ANO2: variants seen among roughly 807,000 people sequenced by gnomAD.
ANO2 encodes anoctamin-2.
ANO2 carries 101 observed loss-of-function variants against 124.2 expected under a neutral mutation model. The observed-to-expected ratio is 0.81, with a 90% CI of 0.69 to 0.96. The LOEUF is 0.96. ANO2 is among the 40% of genes least tolerant of loss of function. ANO2 has a pLI of 0.00. For missense variants in ANO2, 1,293 were observed against 1,274.5 expected (o/e 1.01, Z -0.22); for synonymous variants, 486 against 482.5 (o/e 1.01, Z -0.09).
intron 7 of ANO2, among the ~76,000 whole-genome samples, chr12:5,823,542 G>A (rs1342737029): frequency 6.6e-6 from 1 of 152,244 alleles, no homozygotes; most frequent in African/African-American, 2.4e-5. Context: ...GGTTCCCATG[G>A]TCTTGGGCAG....
intron 3 of ANO2, among the ~76,000 whole-genome samples, chr12:5,879,511 T>G (rs1057295665): frequency 5.3e-5 from 8 of 152,186 alleles, no homozygotes; most frequent in African/African-American, 1.9e-4. Flanking sequence ...GACACTATTC[T>G]CATTGTCAAG....
chr12:5,929,553 A>G (rs1252271164), intron 1 of ANO2, among the ~76,000 whole-genome samples: 2 of 85,014 alleles, frequency 2.4e-5, no homozygotes, highest in African/African-American at 1.1e-4. Context: ...TTACTAGTCT[A>G]CCTTCTTTCC....
In ANO2 at chr12:5,739,387, A is replaced by G; in HGVS notation, c.1364T>C (p.Leu455Pro). ...IFMALWATMF[L>P]ENWKRLQMRL... Reference sequence around the variant, plus strand: ...CATCTGTAGCCTCTTCCAGTTTTCCAGGAACATGGTAGCTTAAAAAGAACA... The same window carrying G: ...CATCTGTAGCCTCTTCCAGTTTTCCGGGAACATGGTAGCTTAAAAAGAACA... The change falls in exon 13 of 25, where the codon CTG (leucine) becomes CCG (proline). Residue 455 changes from leucine to proline, a missense_variant. Transcript: ENST00000682330. The G allele has an allele frequency of 6.9e-6, 11 of 1,602,864 alleles. No individual in the cohort carries two copies. The highest frequency in any genetic ancestry group is 9.4e-6 in the Non-Finnish European group (11 of 1,174,636).
intron 10 of ANO2, among the ~76,000 whole-genome samples, chr12:5,751,269 C>T (rs1951431831): frequency 6.6e-6 from 1 of 152,168 alleles, no homozygotes; most frequent in African/African-American, 2.4e-5. Context: ...TAAAAATATG[C>T]CACACATTTT....
At chr12:5,691,360 G>T (rs1179392698) in intron 14 of ANO2, among the ~76,000 whole-genome samples, 2 of 142,156 alleles carry the variant, frequency 1.4e-5, no homozygotes, top group African/African-American at 5.2e-5. Context: ...AGAAGAAGAA[G>T]AAAAAGAAAA....
chr12:5,938,924 A>T (rs190416472), intron 1 of ANO2, among the ~76,000 whole-genome samples: 7,834 of 151,060 alleles, frequency 0.052, 225 homozygotes, highest in Middle Eastern at 0.099. Context: ...TTTTTTTTTA[A>T]AAATAATTTT....
intron 14 of ANO2, among the ~76,000 whole-genome samples, chr12:5,728,300 G>A (rs1047939306): frequency 5.3e-5 from 8 of 152,110 alleles, no homozygotes; most frequent in African/African-American, 1.9e-4. Flanking sequence ...AATGAGTTCA[G>A]AAAAGTTATG....
chr12:5,925,313 T>C lies in ANO2; in HGVS notation c.23-2509A>G, dbSNP rs1942030366. Among the ~76,000 whole-genome samples the C allele has an allele frequency of 6.6e-6, 1 of 152,196 alleles. No individual in the cohort carries two copies. The highest frequency in any genetic ancestry group is 1.5e-5 in the Non-Finnish European group (1 of 68,028). The stretch of plus-strand genomic sequence containing the variant: ...TCCCCTAAAGGTGCCACCTGGAGTT[T>C]GAGGCTGACATTCAGGGCCCTCACT... On this transcript the variant is annotated intron_variant, in intron 1 of 24. Coordinates refer to ENST00000682330, the MANE Select transcript of ANO2 (RefSeq NM_001364791.2). The surrounding 1 kb of genome is among the most constrained non-coding windows in gnomAD (Gnocchi z 4.6).
chr12:5,615,481 C>T (rs1027039841), intron 16 of ANO2, among the ~76,000 whole-genome samples, 184 bp from the exon 17 acceptor site: 5 of 152,120 alleles, frequency 3.3e-5, no homozygotes, highest in Non-Finnish European at 5.9e-5. Context: ...CCAGGTAATA[C>T]GAAGTTACAG....
At chr12:5,598,339 T>C (rs1943762621) in intron 20 of ANO2, among the ~76,000 whole-genome samples, 1 of 152,222 alleles carries the variant, frequency 6.6e-6, no homozygotes, top group Non-Finnish European at 1.5e-5. Flanking sequence ...TTAGAATGTT[T>C]AGACATTATA....
chr12:5,714,920 A>T (rs1228126682), intron 14 of ANO2, among the ~76,000 whole-genome samples: 1 of 152,224 alleles, frequency 6.6e-6, no homozygotes, highest in East Asian at 1.9e-4. Context: ...TCATGATTCA[A>T]CAAAAGGGTG....
intron 10 of ANO2, among the ~76,000 whole-genome samples, chr12:5,759,912 TAAAG>T (rs1254089827): frequency 1.3e-5 from 2 of 152,076 alleles, no homozygotes; most frequent in Non-Finnish European, 2.9e-5. Context: ...TAAGAAATGT[TAAAG>T]AAAGATCTTT....
intron 6 of ANO2, 43 bp from the exon 7 acceptor site, chr12:5,827,863 C>T (rs780882158): frequency 1.3e-6 from 2 of 1,584,780 alleles, no homozygotes; most frequent in Non-Finnish European, 1.7e-6. Flanking sequence ...CTAGTTCCCC[C>T]CCGCCCTCCA....
intron 16 of ANO2, among the ~76,000 whole-genome samples, chr12:5,628,667 A>AGTGTGTGT (rs72150450): frequency 6.6e-6 from 1 of 150,814 alleles, no homozygotes; most frequent in Non-Finnish European, 1.5e-5. Context: ...GTAAGCAGAG[A>AGTGTGTGT]GTGTGTGTGT....
chr12:5,877,172 G>A (rs989725015), intron 3 of ANO2, among the ~76,000 whole-genome samples: 2 of 152,128 alleles, frequency 1.3e-5, no homozygotes, highest in Non-Finnish European at 1.5e-5. Context: ...AGTGGATTAA[G>A]GTGGCCCTAA....
At chr12:5,626,104 G>C (rs1945386074) in intron 16 of ANO2, among the ~76,000 whole-genome samples, 1 of 152,160 alleles carries the variant, frequency 6.6e-6, no homozygotes, top group Non-Finnish European at 1.5e-5. Context: ...ATCCCCTACA[G>C]AGCTCTCTTA....
chr12:5,586,709 G>C (rs1943128272), intron 20 of ANO2, among the ~76,000 whole-genome samples: 1 of 152,154 alleles, frequency 6.6e-6, no homozygotes, highest in African/African-American at 2.4e-5. Context: ...ACTTTCACCT[G>C]ATCATTGTCA....
At position 5,904,389 on chromosome 12, in the gene ANO2, G is replaced by A. The variant is rs1285952018; in HGVS notation, c.534+16651C>T. On this transcript the variant is annotated intron_variant, in intron 3 of 24. Coordinates refer to ENST00000682330, the MANE Select transcript of ANO2 (RefSeq NM_001364791.2). This position sits in a 1 kb window ranked among gnomAD's most constrained non-coding sequence, Gnocchi z 4.1. ...GTTACACTGAAGGGTCTGAATGAGT[G>A]GGATTGGAAGGAGGGAGAGTGATGG... Among the ~76,000 whole-genome samples, 1 of 152,226 alleles carries A rather than the reference G, an allele frequency of 6.6e-6. No homozygotes were observed. The highest frequency in any genetic ancestry group is 2.4e-5 in the African/African-American group (1 of 41,452).
intron 20 of ANO2, among the ~76,000 whole-genome samples, chr12:5,580,039 G>A (rs1361604874): frequency 2.0e-5 from 3 of 152,066 alleles, no homozygotes; most frequent in Non-Finnish European, 4.4e-5. Context: ...CAAGGCCTCC[G>A]TCCCTTCTAG....
Sources: allele counts gnomAD v4.1 joint callset (sites outside exome capture counted in the v4.1 genomes callset), GRCh38; gene constraint gnomAD v4.1.1; non-coding constraint Gnocchi (gnomAD v3.1); transcripts MANE v1.5; gene names NCBI Gene and HGNC (gene_info 2026-07-23, HGNC 2026-07-21).